Variants in SVIL observed in about 807,000 individuals in gnomAD.
SVIL encodes the protein archvillin.
In SVIL, 101 loss-of-function variants were observed where a neutral mutation model predicts 240.4. The observed-to-expected ratio is 0.42, with a 90% CI of 0.36 to 0.50. The LOEUF is 0.50. Among genes scored for constraint, SVIL ranks in the 20% least tolerant of loss-of-function variants. The probability of loss-of-function intolerance (pLI) is 0.01; values close to 1 mark genes in which losing one functional copy is unlikely to be tolerated. For synonymous variants in SVIL, 999 were observed against 1,100.0 expected (o/e 0.91, Z 1.82); for missense variants, 2,512 against 2,818.7 (o/e 0.89, Z 2.46).
intron 1 of SVIL, among the ~76,000 whole-genome samples, chr10:29,626,893 G>A (rs1957893662): frequency 6.6e-6 from 1 of 151,996 alleles, no homozygotes; most frequent in African/African-American, 2.4e-5. Context: ...GCGTGGTGGC[G>A]GGCGCCTGTA....
At chr10:29,578,152 A>G (rs546798362) in intron 1 of SVIL, among the ~76,000 whole-genome samples, 3 of 152,358 alleles carry the variant, frequency 2.0e-5, no homozygotes, top group South Asian at 2.1e-4. Context: ...TTAGAGATGC[A>G]CACACACCTA....
At chr10:29,584,536 G>A (rs958180806) in intron 1 of SVIL, among the ~76,000 whole-genome samples, 1 of 152,158 alleles carries the variant, frequency 6.6e-6, no homozygotes, top group Admixed American at 6.6e-5. Context: ...TAAACTGCAT[G>A]CCTTTTGAAA....
At chr10:29,462,946 G>T (rs1012415552) in intron 35 of SVIL, among the ~76,000 whole-genome samples, 23 of 152,004 alleles carry the variant, frequency 1.5e-4, no homozygotes, top group African/African-American at 5.3e-4. Context: ...TTAATTACTG[G>T]CATTTTCATT....
intron 1 of SVIL, among the ~76,000 whole-genome samples, chr10:29,710,355 C>G (rs1421275182): frequency 6.6e-6 from 1 of 152,232 alleles, no homozygotes; most frequent in African/African-American, 2.4e-5. Flanking sequence ...CCACGCCCAG[C>G]CAACCATTCC....
At chr10:29,474,566 G>A (rs1945959679) in intron 29 of SVIL, among the ~76,000 whole-genome samples, 1 of 151,632 alleles carries the variant, frequency 6.6e-6, no homozygotes, top group Admixed American at 6.6e-5. Context: ...CTGCACTCCA[G>A]CCTGGGTGAC....
At chr10:29,551,362 G>A (rs1953315145) in intron 5 of SVIL, 99 bp from the exon 6 acceptor site, 1 of 1,239,362 alleles carries the variant, frequency 8.1e-7, no homozygotes. Flanking sequence ...ACACCTGGGT[G>A]CCCATGCTGT....
At chr10:29,726,859 C>T (rs1420931835) in intron 1 of SVIL, among the ~76,000 whole-genome samples, 3 of 152,164 alleles carry the variant, frequency 2.0e-5, no homozygotes, top group African/African-American at 4.8e-5. Flanking sequence ...GTGGCAGCAC[C>T]GCCATCATGG....
chr10:29,698,247 T>C lies in SVIL; in HGVS notation c.-399-11596A>G. 3.5e-6 allele frequency: 2 copies of C among 577,738 alleles called. 1 individual carries two copies. The highest frequency in any genetic ancestry group is 4.3e-5 in the South Asian group (2 of 46,198). 35.8% of individuals were successfully genotyped at this position (577,738 alleles called of 1,614,324 possible). Reference sequence around the variant, plus strand: ...CTTTCTAACATCTTTCTGATAACATTATTATGTTGCCTTCTTGTTTCTCAC... The same window carrying C: ...CTTTCTAACATCTTTCTGATAACATCATTATGTTGCCTTCTTGTTTCTCAC... On this transcript the variant is annotated intron_variant, in intron 1 of 35. Transcript: ENST00000375400.
At chr10:29,512,946 C>A (rs1564548164) in intron 16 of SVIL, 85 bp from the exon 17 acceptor site, 2 of 1,533,412 alleles carry the variant, frequency 1.3e-6, no homozygotes. Context: ...AGAGAGGCGG[C>A]TTGGGCCAAG....
intron 1 of SVIL, among the ~76,000 whole-genome samples, chr10:29,691,599 T>C (rs1345995024): frequency 1.3e-5 from 2 of 152,226 alleles, no homozygotes; most frequent in East Asian, 1.9e-4. Context: ...ATTTAGTTTG[T>C]CCACTAATCC....
chr10:29,499,712 A>G (rs549858644), intron 17 of SVIL, among the ~76,000 whole-genome samples: 1 of 152,222 alleles, frequency 6.6e-6, no homozygotes, highest in Non-Finnish European at 1.5e-5. Context: ...GCACACAAGG[A>G]ACTTGCCCAG....
intron 12 of SVIL, among the ~76,000 whole-genome samples, chr10:29,527,400 A>G (rs1951000521): frequency 6.6e-6 from 1 of 152,152 alleles, no homozygotes; most frequent in African/African-American, 2.4e-5. Context: ...TCTGTGTTTT[A>G]GAATATTGTT....
At chr10:29,694,086 G>A (rs945532823) in intron 1 of SVIL, among the ~76,000 whole-genome samples, 8 of 151,828 alleles carry the variant, frequency 5.3e-5, no homozygotes, top group African/African-American at 1.5e-4. Context: ...TGTAATGAAC[G>A]AACAAAGTCA....
At chr10:29,486,033 T>C (rs1947359890) in intron 26 of SVIL, 52 bp downstream of exon 26, 34 of 1,610,944 alleles carry the variant, frequency 2.1e-5, no homozygotes, top group Non-Finnish European at 2.8e-5. Context: ...CAGCCTGTGC[T>C]GAGTGCTTTC....
chr10:29,613,394 G>A (rs927789895), intron 1 of SVIL, among the ~76,000 whole-genome samples: 12 of 151,986 alleles, frequency 7.9e-5, no homozygotes, highest in African/African-American at 1.2e-4. Flanking sequence ...GTGCAGTGGC[G>A]CAATCAAGGC....
intron 1 of SVIL, among the ~76,000 whole-genome samples, chr10:29,618,751 G>A (rs1210591057): frequency 3.3e-5 from 5 of 150,800 alleles, no homozygotes; most frequent in African/African-American, 7.3e-5. Context: ...ACAAGGTGTC[G>A]CTTTGTCATC....
At chr10:29,496,028 G>A (rs6481609) in intron 18 of SVIL, among the ~76,000 whole-genome samples, 79,082 of 152,040 alleles carry the variant, frequency 0.52, 21,327 homozygotes, top group African/African-American at 0.63. Flanking sequence ...ATCCTTAGAT[G>A]ACATTGCCAC....
chr10:29,571,572 T>A (rs1293185478), intron 1 of SVIL, among the ~76,000 whole-genome samples: 17 of 152,160 alleles, frequency 1.1e-4, no homozygotes, highest in African/African-American at 2.4e-5. Context: ...GAACAACATA[T>A]GAGTGAAACT....
At chr10:29,693,216 G>A (rs548771562) in intron 1 of SVIL, among the ~76,000 whole-genome samples, 8 of 151,156 alleles carry the variant, frequency 5.3e-5, no homozygotes, top group Admixed American at 1.3e-4. Flanking sequence ...CCAGGTGTTA[G>A]AGACAAGTCA....
Sources: gnomAD v4.1 joint callset for allele counts (sites outside exome capture counted in the v4.1 genomes callset) on GRCh38, gnomAD v4.1.1 for gene constraint, MANE v1.5 for transcripts, NCBI Gene and HGNC (gene_info 2026-07-23, HGNC 2026-07-21) for gene names.